Variants in NOL4 observed in about 807,000 individuals in gnomAD.
NOL4 encodes cancer/testis antigen 125.
A neutral mutation model predicts 75.9 loss-of-function variants in NOL4; 17 were observed. The observed-to-expected ratio is 0.22, with a 90% CI of 0.15 to 0.34. The LOEUF is 0.34. Among genes scored for constraint, NOL4 ranks in the 10% least tolerant of loss-of-function variants. The pLI is 1.00. For synonymous variants in NOL4, 292 were observed against 289.9 expected (o/e 1.01, Z -0.07); for missense variants, 614 against 793.5 (o/e 0.77, Z 2.72).
At chr18:34,014,695 T>C (rs2074577955) in intron 6 of NOL4, among the ~76,000 whole-genome samples, 1 of 151,980 alleles carries the variant, frequency 6.6e-6, no homozygotes, top group Non-Finnish European at 1.5e-5. Context: ...ATGTTATTAG[T>C]TGTCCTTTTA....
intron 9 of NOL4, among the ~76,000 whole-genome samples, chr18:33,886,896 T>TCTACA (rs1568009667): frequency 1.1e-4 from 15 of 133,390 alleles, no homozygotes; most frequent in African/African-American, 4.4e-4. Context: ...TCTAGATATA[T>TCTACA]TATATCTAGA....
intron 10 of NOL4, among the ~76,000 whole-genome samples, chr18:33,864,236 C>T (rs2063322582): frequency 6.6e-6 from 1 of 152,176 alleles, no homozygotes; most frequent in South Asian, 2.1e-4. Context: ...CATTCTGCTC[C>T]TCACTACTTA....
At chr18:34,164,046 A>G (rs933344540) in intron 1 of NOL4, among the ~76,000 whole-genome samples, 5 of 152,226 alleles carry the variant, frequency 3.3e-5, no homozygotes, top group African/African-American at 1.2e-4. Context: ...ATACATAGAA[A>G]GCTGAAACTG....
intron 1 of NOL4, among the ~76,000 whole-genome samples, chr18:34,220,454 T>C (rs1047004586): frequency 2.0e-5 from 3 of 152,170 alleles, no homozygotes; most frequent in African/African-American, 7.2e-5. Flanking sequence ...TCAAATACAG[T>C]ATTTTATTTT....
rs779936519 is a variant in NOL4, at chr18:34,105,177, A to C, written c.415-17T>G. 1.4e-6 allele frequency: 2 copies of C among 1,472,842 alleles called. No individual in the cohort carries two copies. Among genetic ancestry groups the C allele is most frequent in the Non-Finnish European group, 1.9e-6 (2 of 1,052,192 alleles). The allele number at this position is 1,472,842 out of a possible 1,614,324, so 91.2% of individuals were successfully genotyped here. A position where few individuals can be genotyped will look rare whatever the true frequency, so the allele number is the denominator to read the frequency against. ...CTCTGAAATCTGAAATGATTCACAAAATACAGGTGTTATTATATAAGCTCA... is the reference window on the plus strand; with the variant it reads ...CTCTGAAATCTGAAATGATTCACAACATACAGGTGTTATTATATAAGCTCA... On this transcript the variant is annotated splice_polypyrimidine_tract_variant and intron_variant, in intron 2 of 10. Coordinates refer to ENST00000261592, the MANE Select transcript of NOL4 (RefSeq NM_003787.5).
chr18:34,065,225 T>C (rs1045047847), intron 5 of NOL4, among the ~76,000 whole-genome samples: 2 of 151,940 alleles, frequency 1.3e-5, no homozygotes, highest in Non-Finnish European at 2.9e-5. Flanking sequence ...TTTAGTTTAT[T>C]CTCTCAAGGA....
chr18:34,081,051 T>C (rs1233843293), intron 5 of NOL4, among the ~76,000 whole-genome samples: 2 of 152,214 alleles, frequency 1.3e-5, no homozygotes. Flanking sequence ...CTTTATCTAC[T>C]GATGCAAATG....
chr18:33,874,910 C>CA (rs916694509), intron 10 of NOL4, among the ~76,000 whole-genome samples: 12 of 151,898 alleles, frequency 7.9e-5, no homozygotes, highest in African/African-American at 2.9e-4. Flanking sequence ...TCATTAAAGA[C>CA]AAAACCCCAA....
intron 5 of NOL4, among the ~76,000 whole-genome samples, chr18:34,026,942 CAT>C (rs1381749229): frequency 2.0e-5 from 3 of 152,028 alleles, no homozygotes; most frequent in Non-Finnish European, 4.4e-5. Context: ...GCAGGAAACA[CAT>C]GTTTGGGTAT....
chr18:34,056,549 C>T (rs1323524494), intron 5 of NOL4, among the ~76,000 whole-genome samples: 1 of 152,112 alleles, frequency 6.6e-6, no homozygotes, highest in Non-Finnish European at 1.5e-5. Context: ...CTACTGTTCC[C>T]ATCAGTGCTA....
intron 5 of NOL4, among the ~76,000 whole-genome samples, chr18:34,059,356 C>CAGG (rs1195453940): frequency 8.6e-5 from 13 of 151,972 alleles, no homozygotes; most frequent in Admixed American, 7.9e-4. Flanking sequence ...GGACACACCA[C>CAGG]ACTCTCTTCT....
chr18:34,130,016 C>T lies in NOL4; in HGVS notation c.269G>A (p.Gly90Asp). The T allele has an allele frequency of 6.4e-7, 1 of 1,555,456 alleles. No individual in the cohort carries two copies. Among genetic ancestry groups the T allele is most frequent in the South Asian group, 1.2e-5 (1 of 80,366 alleles). The change falls in exon 2 of 11, where the codon GGC (glycine) becomes GAC (aspartate). Residue 90 changes from glycine to aspartate, a missense_variant. Gly to Asp is a moderately conservative substitution (Grantham distance 94, BLOSUM62 -1). Coordinates refer to ENST00000261592, the MANE Select transcript of NOL4 (RefSeq NM_003787.5). ...AGATAGCTTCTCATCTACCCCTACGCCATCCTGGAAACAAAACAACAACAA... is the reference window on the plus strand; with the variant it reads ...AGATAGCTTCTCATCTACCCCTACGTCATCCTGGAAACAAAACAACAACAA... ...VLYVPVKTTD[G>D]VGVDEKLSLR...
intron 9 of NOL4, among the ~76,000 whole-genome samples, chr18:33,926,752 C>T (rs1368628263): frequency 6.6e-6 from 1 of 152,028 alleles, no homozygotes; most frequent in Non-Finnish European, 1.5e-5. Context: ...AGGCGCCCAC[C>T]ACCACGCCCA....
chr18:34,019,863 T>C lies in NOL4; in HGVS notation c.773-262A>G, dbSNP rs115832553. ...CATAGTGGGGTCTAGTGGCAGGTGT[T>C]TGGGTCATGAGGGTGGATTTTTCAT... On this transcript the variant is annotated intron_variant, in intron 5 of 10. Coordinates refer to ENST00000261592, the MANE Select transcript of NOL4 (RefSeq NM_003787.5). 4.7e-3 allele frequency among the ~76,000 whole-genome samples: 710 copies of C among 151,778 alleles called. 8 individuals carry two copies. Among genetic ancestry groups the C allele is most frequent in the African/African-American group, 0.016 (681 of 41,354 alleles).
chr18:33,915,524 A>G (rs892755965), intron 9 of NOL4, among the ~76,000 whole-genome samples: 1 of 152,104 alleles, frequency 6.6e-6, no homozygotes, highest in African/African-American at 2.4e-5. Flanking sequence ...AGCAGGGAGA[A>G]TTGCTGGAAT....
rs79840428 is a variant in NOL4, at chr18:33,933,424, C to T, written c.1542+9641G>A. On this transcript the variant is annotated intron_variant, in intron 9 of 10. Transcript: ENST00000261592. ...ACAAGAATGAGGCTTGCCACACTGA[C>T]AGATGCTCTTTATCATGAAATATTT... Among the ~76,000 whole-genome samples the T allele has an allele frequency of 5.5e-3, 841 of 152,260 alleles. 13 individuals are homozygous for T. The highest frequency in any genetic ancestry group is 0.019 in the African/African-American group (808 of 41,536).
chr18:33,945,820 A>T (rs1218575775), intron 8 of NOL4, among the ~76,000 whole-genome samples: 1 of 151,708 alleles, frequency 6.6e-6, no homozygotes, highest in Admixed American at 6.6e-5. Flanking sequence ...ATAAGTTGAC[A>T]ACTCTCAATG....
intron 1 of NOL4, among the ~76,000 whole-genome samples, chr18:34,139,300 C>A (rs576866953): frequency 1.8e-4 from 28 of 152,284 alleles, no homozygotes; most frequent in African/African-American, 5.1e-4. Flanking sequence ...GTGAATCTGT[C>A]TGGTCCTGGA....
At chr18:33,885,782 A>C (rs2064603676) in intron 9 of NOL4, among the ~76,000 whole-genome samples, 1 of 152,124 alleles carries the variant, frequency 6.6e-6, no homozygotes, top group South Asian at 2.1e-4. Context: ...AAAATCTAAA[A>C]ATTGCACTAC....
Sources: gnomAD v4.1 joint callset for allele counts (sites outside exome capture counted in the v4.1 genomes callset) on GRCh38, gnomAD v4.1.1 for gene constraint, MANE v1.5 for transcripts, NCBI Gene and HGNC (gene_info 2026-07-23, HGNC 2026-07-21) for gene names.